CAP1: variants seen among roughly 807,000 people sequenced by gnomAD.
CAP1 encodes the protein adenylyl cyclase-associated protein 1.
A neutral mutation model predicts 58.2 loss-of-function variants in CAP1; 11 were observed. That is an observed-to-expected ratio of 0.19 (90% CI 0.12 to 0.31). CAP1 has a LOEUF of 0.31. Among genes scored for constraint, CAP1 ranks in the 10% least tolerant of loss-of-function variants. The pLI is 1.00. For missense variants in CAP1, 423 were observed against 587.5 expected (o/e 0.72, Z 2.89); for synonymous variants, 183 against 213.8 (o/e 0.86, Z 1.26).
chr1:40,045,627 C>G lies in CAP1; in HGVS notation c.-11+4826C>G, dbSNP rs182521201. On this transcript the variant is annotated intron_variant, in intron 1 of 12. Coordinates refer to ENST00000372805, the MANE Select transcript of CAP1 (RefSeq NM_006367.4). ...CTGGAGTGCAGTGGCGTGATCTTGG[C>G]TCACTGCAACCTCCCCCTCCCGGGT... Among the ~76,000 whole-genome samples the G allele has an allele frequency of 1.6e-3, 245 of 152,264 alleles. 1 individual carries two copies. Among genetic ancestry groups the G allele is most frequent in the African/African-American group, 5.8e-3 (239 of 41,540 alleles).
intron 1 of CAP1, chr1:40,041,363 A>G (rs1478741939): frequency 6.6e-6 from 1 of 151,996 alleles, no homozygotes; most frequent in Non-Finnish European, 1.5e-5. Flanking sequence ...TCTCCTCCCA[A>G]ATTGAGCCGT....
intron 12 of CAP1, 91 bp downstream of exon 12, chr1:40,071,070 C>T: frequency 1.6e-6 from 2 of 1,254,640 alleles, no homozygotes; most frequent in Admixed American, 2.1e-5. Context: ...GAACATTCTG[C>T]ACTGAGCAGG....
chr1:40,070,787 G>C, intron 11 of CAP1, 49 bp from the exon 12 acceptor site: 5 of 1,547,538 alleles, frequency 3.2e-6, no homozygotes, highest in Non-Finnish European at 3.5e-6. Context: ...GCGACTTACT[G>C]TTGTCCTTCC....
chr1:40,065,935 A>G (rs962510388), intron 6 of CAP1, among the ~76,000 whole-genome samples: 1 of 148,820 alleles, frequency 6.7e-6, no homozygotes, highest in African/African-American at 2.5e-5. Flanking sequence ...TGGTCAAAAG[A>G]AAAAAAAAAG....
At chr1:40,045,510 C>T (rs1197786031) in intron 1 of CAP1, among the ~76,000 whole-genome samples, 3 of 152,016 alleles carry the variant, frequency 2.0e-5, no homozygotes, top group African/African-American at 4.8e-5. Flanking sequence ...GTAATCTTCT[C>T]GCTTCAGCCT....
chr1:40,062,773 T>TTGTGTGTG (rs1169359200), intron 4 of CAP1, among the ~76,000 whole-genome samples: 6,615 of 145,500 alleles, frequency 0.045, 265 homozygotes, highest in African/African-American at 0.1. Flanking sequence ...TCAAAAAACA[T>TTGTGTGTG]TGTGTGTGTG....
chr1:40,047,520 A>G (rs184176191), intron 1 of CAP1, among the ~76,000 whole-genome samples: 53 of 152,290 alleles, frequency 3.5e-4, no homozygotes, highest in East Asian at 3.3e-3. Context: ...CCATATTCCT[A>G]CTTGTAGATG....
intron 7 of CAP1, 73 bp downstream of exon 7, chr1:40,066,393 A>T (rs1264675525): frequency 2.7e-6 from 2 of 740,616 alleles, no homozygotes; most frequent in Non-Finnish European, 4.8e-6. Flanking sequence ...CAGGTTTCTT[A>T]GACTTCAGCA....
At chr1:40,061,169 T>TTA (rs1646834034) in intron 3 of CAP1, among the ~76,000 whole-genome samples, 1 of 151,796 alleles carries the variant, frequency 6.6e-6, no homozygotes, top group Non-Finnish European at 1.5e-5. Flanking sequence ...TTTTTTTTTT[T>TTA]AACTTTTTAT....
intron 12 of CAP1, among the ~76,000 whole-genome samples, chr1:40,071,216 G>A (rs773436938): frequency 2.6e-5 from 4 of 152,164 alleles, no homozygotes; most frequent in Admixed American, 6.5e-5. Context: ...ATGGCACCTT[G>A]TCAGGCTGGT....
intron 4 of CAP1, among the ~76,000 whole-genome samples, chr1:40,063,006 T>A (rs1025235642): frequency 2.9e-4 from 44 of 150,106 alleles, no homozygotes; most frequent in Admixed American, 8.0e-4. Flanking sequence ...TAAAAAAAAA[T>A]TTTTTTTTTG....
chr1:40,045,086 A>G (rs1373140490), intron 1 of CAP1, among the ~76,000 whole-genome samples: 2 of 151,866 alleles, frequency 1.3e-5, no homozygotes, highest in African/African-American at 4.8e-5. Context: ...GCCTGGCCAT[A>G]TAATTCTTTA....
At position 40,051,640 on chromosome 1, in the gene CAP1, A is replaced by T. The variant is rs113873332; in HGVS notation, c.-10-7697A>T. Among the ~76,000 whole-genome samples, 1,077 of 152,092 alleles carry T rather than the reference A, an allele frequency of 7.1e-3. 9 individuals carry two copies. Among genetic ancestry groups the T allele is most frequent in the African/African-American group, 0.025 (1,038 of 41,454 alleles). ...GCCCAGGCTGGAGTGCAGTGGCGCGATCTTGGCTCACCGCAAGCTCCGCCT... is the reference window on the plus strand; with the variant it reads ...GCCCAGGCTGGAGTGCAGTGGCGCGTTCTTGGCTCACCGCAAGCTCCGCCT... On this transcript the variant is annotated intron_variant, in intron 1 of 12. Coordinates refer to ENST00000372805, the MANE Select transcript of CAP1 (RefSeq NM_006367.4).
intron 4 of CAP1, among the ~76,000 whole-genome samples, chr1:40,063,793 T>C (rs1646957946): frequency 6.6e-6 from 1 of 152,120 alleles, no homozygotes; most frequent in Non-Finnish European, 1.5e-5. Flanking sequence ...AATGCCAAGA[T>C]TGGTTATGCT....
At position 40,072,074 on chromosome 1, in the gene CAP1, A is replaced by G. The variant is rs374131591; in HGVS notation, c.*541A>G. 7.5e-6 allele frequency: 3 copies of G among 402,412 alleles called. No individual in the cohort carries two copies. Among genetic ancestry groups the G allele is most frequent in the East Asian group, 7.1e-5 (2 of 28,138 alleles). 24.9% of individuals were successfully genotyped at this position (402,412 alleles called of 1,614,324 possible). On this transcript the variant is annotated 3_prime_UTR_variant, in exon 13 of 13. Transcript: ENST00000372805. ...AGCATTCCATACAAAATTGTTTCCT[A>G]TAAGCATTCCTTTTATTCTCTATTC...
chr1:40,071,088 C>G, intron 12 of CAP1, 109 bp downstream of exon 12: 1 of 1,006,014 alleles, frequency 9.9e-7, no homozygotes, highest in Non-Finnish European at 1.5e-6. Flanking sequence ...AGGTAAAAAC[C>G]CAATAATGCA....
chr1:40,054,858 T>C (rs1424761990), intron 1 of CAP1, among the ~76,000 whole-genome samples: 1 of 152,116 alleles, frequency 6.6e-6, no homozygotes, highest in Non-Finnish European at 1.5e-5. Flanking sequence ...GGTTTTGCCA[T>C]GTTGGCCAGG....
At position 40,072,252 on chromosome 1, in the gene CAP1, G is replaced by GAA. The variant is rs61352266; in HGVS notation, c.*737_*738dup. On this transcript the variant is annotated 3_prime_UTR_variant, in exon 13 of 13. Transcript: ENST00000372805. Reference sequence around the variant, plus strand: ...CTTCCTATAGAGATGACTTTAAAAGGAAAAAAAAAAAAAAAAAAACCCACA... The same window carrying GAA: ...CTTCCTATAGAGATGACTTTAAAAGGAAAAAAAAAAAAAAAAAAAAACCCACA... The GAA allele has an allele frequency of 0.038, 6,115 of 160,292 alleles. 453 individuals are homozygous for GAA. The highest frequency in any genetic ancestry group is 0.28 in the African/African-American group (5,619 of 20,004). The allele number at this position is 160,292 out of a possible 1,614,324, so 9.9% of individuals were successfully genotyped here. A position where few individuals can be genotyped will look rare whatever the true frequency, so the allele number is the denominator to read the frequency against.
rs966482477 is a variant in CAP1 at position 40,061,829 on chromosome 1, C to T, written c.294+17C>T. The T allele has an allele frequency of 2.5e-6, 4 of 1,601,910 alleles. No homozygotes were observed. The highest frequency in any genetic ancestry group is 3.3e-4 in the Middle Eastern group (2 of 6,044). ...CCAGCAGAAGTAAGTTCACTACTAG[C>T]TGGTTTCATTTTGGTTTGATGCTCA... On this transcript the variant is annotated intron_variant, in intron 4 of 12. Coordinates refer to ENST00000372805, the MANE Select transcript of CAP1 (RefSeq NM_006367.4).
Sources: gnomAD v4.1 joint callset for allele counts (sites outside exome capture counted in the v4.1 genomes callset) on GRCh38, gnomAD v4.1.1 for gene constraint, MANE v1.5 for transcripts, NCBI Gene and HGNC (gene_info 2026-07-23, HGNC 2026-07-21) for gene names.